Variants in MAPK10 observed in about 807,000 individuals in gnomAD.
MAPK10 encodes the protein JNK3 alpha protein kinase.
MAPK10 carries 25 observed loss-of-function variants against 59.3 expected under a neutral mutation model. The observed-to-expected ratio is 0.42, with a 90% CI of 0.31 to 0.59. The LOEUF is 0.59. MAPK10 is among the 20% of genes least tolerant of loss of function. The probability of loss-of-function intolerance (pLI) is 0.15; values close to 1 mark genes in which losing one functional copy is unlikely to be tolerated. For synonymous variants in MAPK10, 190 were observed against 200.5 expected, an observed-to-expected ratio of 0.95 and a Z score of 0.44; for missense variants, 351 against 568.9, an observed-to-expected ratio of 0.62 and a Z score of 3.90.
At chr4:86,162,096 C>A (rs1425785450) in intron 3 of MAPK10, among the ~76,000 whole-genome samples, 1 of 151,622 alleles carries the variant, frequency 6.6e-6, no homozygotes, top group Non-Finnish European at 1.5e-5. Flanking sequence ...CTAGGTTTGG[C>A]ACTCAAAATA....
In MAPK10 at chr4:86,310,241, C is replaced by T. The variant is rs1008266392; in HGVS notation, c.-7+44289G>A. 3.0e-4 allele frequency among the ~76,000 whole-genome samples: 46 copies of T among 152,180 alleles called. 2 individuals carry two copies. The highest frequency in any genetic ancestry group is 1.9e-3 in the Admixed American group (29 of 15,260). ...CTCCCTAAAATGTATAAAACCAAGC[C>T]GTGCCCCGACCACCTTGGGCACATG... On this transcript the variant is annotated intron_variant, in intron 2 of 13. Coordinates refer to ENST00000641462, the MANE Select transcript of MAPK10 (RefSeq NM_138982.4).
At chr4:86,408,147 A>G (rs1744613349) in intron 1 of MAPK10, among the ~76,000 whole-genome samples, 1 of 147,412 alleles carries the variant, frequency 6.8e-6, no homozygotes, top group African/African-American at 2.5e-5. Flanking sequence ...GAGAACATGC[A>G]GTGTTTGCTT....
chr4:86,170,754 A>T (rs1163228513), intron 3 of MAPK10, among the ~76,000 whole-genome samples: 4 of 151,338 alleles, frequency 2.6e-5, no homozygotes, highest in East Asian at 3.9e-4. Context: ...TCTCCACCCC[A>T]AATCAACAGA....
At chr4:86,525,994 C>T (rs1422512119) in intron 1 of MAPK10, among the ~76,000 whole-genome samples, 1 of 140,042 alleles carries the variant, frequency 7.1e-6, no homozygotes, top group Non-Finnish European at 1.6e-5. Context: ...AGGATTTTTG[C>T]ATCTCTCTTC....
Position 86,521,380 on chromosome 4 carries a change from T to C in MAPK10, c.-263+72530A>G, listed in dbSNP as rs546340108. On this transcript the variant is annotated intron_variant, in intron 1 of 4. Transcript: ENST00000502302. ...AGAGCTCCCAAGAGTTTTTGTCTTT[T>C]GTCTTCAGCTACCAGGGCAGGTAGA... 7.9e-5 allele frequency among the ~76,000 whole-genome samples: 12 copies of C among 152,282 alleles called. No homozygotes were observed. The East Asian group carries it at 1.5e-3, about 20-fold the overall frequency.
chr4:86,114,665 G>C (rs146496719), intron 4 of MAPK10, among the ~76,000 whole-genome samples: 1,925 of 152,348 alleles, frequency 0.013, 41 homozygotes, highest in African/African-American at 0.044. Context: ...AGGAGGCACA[G>C]GATCAGGGAA....
At chr4:86,190,256 C>A (rs2079362767) in intron 3 of MAPK10, among the ~76,000 whole-genome samples, 2 of 152,068 alleles carry the variant, frequency 1.3e-5, no homozygotes, top group African/African-American at 2.4e-5. Flanking sequence ...ATGATGCTGG[C>A]CTCATAAAAT....
intron 2 of MAPK10, among the ~76,000 whole-genome samples, chr4:86,201,472 A>G (rs1311920221): frequency 1.3e-5 from 2 of 151,904 alleles, no homozygotes; most frequent in Non-Finnish European, 2.9e-5. Context: ...CCATTTATTT[A>G]TCTTCCTTGG....
chr4:86,067,633 A>G (rs879887612), intron 10 of MAPK10, 140 bp downstream of exon 10: 50 of 693,050 alleles, frequency 7.2e-5, no homozygotes, highest in Non-Finnish European at 1.1e-4. Context: ...ACCACCCTAT[A>G]TCCCACAAAA....
intron 2 of MAPK10, among the ~76,000 whole-genome samples, chr4:86,288,109 T>A (rs2095088718): frequency 6.6e-6 from 1 of 152,162 alleles, no homozygotes; most frequent in Non-Finnish European, 1.5e-5. Flanking sequence ...TCTCTGGACC[T>A]CAGCTTCACC....
chr4:86,576,753 G>A (rs371835399), intron 1 of MAPK10, among the ~76,000 whole-genome samples: 4 of 147,328 alleles, frequency 2.7e-5, no homozygotes, highest in Non-Finnish European at 6.0e-5. Context: ...CCAGCCTAGG[G>A]GACAGTGCGA....
intron 2 of MAPK10, among the ~76,000 whole-genome samples, chr4:86,295,253 T>C (rs2095330477): frequency 6.6e-6 from 1 of 152,154 alleles, no homozygotes; most frequent in Non-Finnish European, 1.5e-5. Flanking sequence ...GCCTGGAGGA[T>C]GCTCTCCCAG....
intron 3 of MAPK10, among the ~76,000 whole-genome samples, chr4:86,173,487 C>G (rs1470512777): frequency 6.6e-6 from 1 of 151,938 alleles, no homozygotes; most frequent in East Asian, 1.9e-4. Flanking sequence ...GGATTAAAGA[C>G]TTAAATAAGA....
intron 11 of MAPK10, among the ~76,000 whole-genome samples, chr4:86,042,068 A>G (rs953206270): frequency 6.6e-6 from 1 of 152,230 alleles, no homozygotes; most frequent in African/African-American, 2.4e-5. Context: ...AACCAACCCA[A>G]ATGCCCATCA....
chr4:86,520,445 C>T (rs547904833), intron 1 of MAPK10, among the ~76,000 whole-genome samples: 49 of 151,924 alleles, frequency 3.2e-4, no homozygotes, highest in Middle Eastern at 6.8e-3. Context: ...CTAAGGGTGT[C>T]TTTCATTTCC....
At chr4:86,464,697 C>G (rs1752041076) in intron 1 of MAPK10, among the ~76,000 whole-genome samples, 1 of 152,012 alleles carries the variant, frequency 6.6e-6, no homozygotes, top group Non-Finnish European at 1.5e-5. Flanking sequence ...GCGGGCACCT[C>G]TAGTCCCAGC....
chr4:86,231,509 G>A (rs578245650), intron 2 of MAPK10, among the ~76,000 whole-genome samples: 15 of 151,574 alleles, frequency 9.9e-5, no homozygotes, highest in African/African-American at 2.2e-4. Flanking sequence ...AAAAAAATAC[G>A]AAAATTAGCC....
chr4:86,204,862 T>C (rs1251338369), intron 2 of MAPK10, among the ~76,000 whole-genome samples: 1 of 152,054 alleles, frequency 6.6e-6, no homozygotes, highest in Non-Finnish European at 1.5e-5. Flanking sequence ...CTATGTGAGC[T>C]GATCTGATAT....
chr4:86,551,655 G>C (rs1759799870), intron 1 of MAPK10, among the ~76,000 whole-genome samples: 1 of 151,384 alleles, frequency 6.6e-6, no homozygotes, highest in East Asian at 1.9e-4. Context: ...ACCCAGGCTG[G>C]AGTGCAGTGC....
Sources: gnomAD v4.1 joint callset for allele counts (sites outside exome capture counted in the v4.1 genomes callset) on GRCh38, gnomAD v4.1.1 for gene constraint, MANE v1.5 for transcripts, NCBI Gene and HGNC (gene_info 2026-07-23, HGNC 2026-07-21) for gene names.